The following TENT2 variants were observed in gnomAD, a reference collection of about 807,000 sequenced individuals.
The protein encoded by TENT2 is poly(A) RNA polymerase GLD2.
A neutral mutation model predicts 72.2 loss-of-function variants in TENT2; 44 were observed. The ratio of observed to expected loss-of-function variants is 0.61; its 90% CI spans 0.48 to 0.78. TENT2 has a LOEUF of 0.78. TENT2 is among the 30% of genes least tolerant of loss of function. The pLI is 0.00. For missense variants in TENT2, 541 were observed against 569.6 expected (o/e 0.95, Z 0.51); for synonymous variants, 212 against 192.5 (o/e 1.10, Z -0.84).
intron 9 of TENT2, 160 bp from the exon 10 acceptor site, chr5:79,648,902 C>CT: frequency 2.2e-6 from 2 of 913,678 alleles, no homozygotes; most frequent in Non-Finnish European, 3.3e-6. Context: ...TAAAAGGTAA[C>CT]TAAGGTAAGT....
chr5:79,653,983 G>T (rs533173717), intron 10 of TENT2, among the ~76,000 whole-genome samples: 1 of 152,272 alleles, frequency 6.6e-6, no homozygotes, highest in African/African-American at 2.4e-5. Context: ...GCAGAGAAAG[G>T]AAATAGGTCC....
chr5:79,638,122 A>G (rs569993178), intron 4 of TENT2, among the ~76,000 whole-genome samples: 7 of 152,190 alleles, frequency 4.6e-5, no homozygotes, highest in Admixed American at 4.6e-4. Context: ...CATAGTATTC[A>G]GAAATATACT....
At chr5:79,644,455 A>T (rs1224228489) in intron 7 of TENT2, among the ~76,000 whole-genome samples, 1 of 152,140 alleles carries the variant, frequency 6.6e-6, no homozygotes, top group Non-Finnish European at 1.5e-5. Flanking sequence ...TTCTATGATA[A>T]GTATATATTA....
intron 14 of TENT2, among the ~76,000 whole-genome samples, chr5:79,683,208 CTT>C (rs1823408162): frequency 6.6e-6 from 1 of 151,988 alleles, no homozygotes; most frequent in South Asian, 2.1e-4. Context: ...AATCCAAACA[CTT>C]TGTGAGGCCA....
chr5:79,623,121 C>T (rs1164449840), intron 3 of TENT2, 131 bp from the exon 4 acceptor site: 15 of 615,678 alleles, frequency 2.4e-5, no homozygotes, highest in Non-Finnish European at 3.7e-5. Flanking sequence ...CCATATAAAG[C>T]TAATAAAGTG....
Position 79,685,314 on chromosome 5 carries a change from A to G in TENT2, c.*41A>G. The G allele has an allele frequency of 7.1e-7, 1 of 1,410,664 alleles. No individual in the cohort carries two copies. 87.4% of individuals were successfully genotyped at this position (1,410,664 alleles called of 1,614,324 possible). ...TAATAAATTCTTCCAAGAAATAAAG[A>G]ACAATAGTTTCATCATAATACATTA... On this transcript the variant is annotated 3_prime_UTR_variant, in exon 15 of 15. Coordinates refer to ENST00000453514, the MANE Select transcript of TENT2 (RefSeq NM_001114394.3).
Position 79,619,634 on chromosome 5 carries a change from C to T in TENT2, c.-15C>T, listed in dbSNP as rs200563885. The T allele has an allele frequency of 2.9e-5, 46 of 1,604,820 alleles. No homozygotes were observed. In the African/African-American group the frequency reaches 4.9e-4, roughly 17 times the overall value. ...TAGGTAGAAGAATACATGTTCACTT[C>T]CAGTGAACAAGAGCATGTTCCCAAA... is the stretch of plus-strand genomic sequence containing the variant. On this transcript the variant is annotated 5_prime_UTR_variant, in exon 2 of 15. Transcript: ENST00000453514.
At chr5:79,680,998 T>G (rs1821237863) in intron 13 of TENT2, among the ~76,000 whole-genome samples, 1 of 152,006 alleles carries the variant, frequency 6.6e-6, no homozygotes, top group African/African-American at 2.4e-5. Context: ...AGTGGGATGG[T>G]GGTGTGAACA....
chr5:79,684,689 C>T (rs536365750), intron 14 of TENT2, among the ~76,000 whole-genome samples: 46 of 152,262 alleles, frequency 3.0e-4, no homozygotes, highest in Admixed American at 2.6e-3. Context: ...TGAATTAATC[C>T]GTGAATAAAT....
At chr5:79,627,889 A>C (rs1184447987) in intron 4 of TENT2, among the ~76,000 whole-genome samples, 3 of 152,204 alleles carry the variant, frequency 2.0e-5, no homozygotes, top group Non-Finnish European at 4.4e-5. Flanking sequence ...TTTTTAAGAA[A>C]GCTAACGTTT....
At chr5:79,657,346 TTTAG>T (rs1302524257) in intron 11 of TENT2, among the ~76,000 whole-genome samples, 1 of 152,124 alleles carries the variant, frequency 6.6e-6, no homozygotes, top group Non-Finnish European at 1.5e-5. Flanking sequence ...ACAGCATTTC[TTTAG>T]TTAGTAACTC....
chr5:79,648,392 CTTA>C (rs1790883001), intron 8 of TENT2, among the ~76,000 whole-genome samples: 1 of 151,988 alleles, frequency 6.6e-6, no homozygotes, highest in African/African-American at 2.4e-5. Flanking sequence ...CCACTGGAAT[CTTA>C]TTTTATATTT....
At chr5:79,683,942 A>G (rs998922747) in intron 14 of TENT2, among the ~76,000 whole-genome samples, 2 of 150,858 alleles carry the variant, frequency 1.3e-5, no homozygotes, top group African/African-American at 2.4e-5. Context: ...AAAAAAAAAA[A>G]AAAAAAAAAA....
chr5:79,650,369 C>G (rs192487722), intron 10 of TENT2, among the ~76,000 whole-genome samples: 160 of 151,980 alleles, frequency 1.1e-3, no homozygotes, highest in African/African-American at 3.6e-3. Context: ...TAGCTGTTAC[C>G]TACCAAAACG....
At chr5:79,653,648 C>CT (rs1795818810) in intron 10 of TENT2, among the ~76,000 whole-genome samples, 1 of 152,116 alleles carries the variant, frequency 6.6e-6, no homozygotes, top group Non-Finnish European at 1.5e-5. Context: ...ATTCCTAGGT[C>CT]TTTCTTGAAG....
chr5:79,630,814 C>A (rs1268218381), intron 4 of TENT2, among the ~76,000 whole-genome samples: 3 of 125,982 alleles, frequency 2.4e-5, no homozygotes, highest in African/African-American at 1.1e-4. Context: ...GTAACCTATT[C>A]AGGTTTTTTT....
At chr5:79,684,103 T>C (rs1449570279) in intron 14 of TENT2, among the ~76,000 whole-genome samples, 18 of 152,134 alleles carry the variant, frequency 1.2e-4, no homozygotes, top group Admixed American at 1.1e-3. Flanking sequence ...ACCAATACTT[T>C]TAGACAATCG....
At chr5:79,683,308 C>T (rs1823517262) in intron 14 of TENT2, among the ~76,000 whole-genome samples, 2 of 137,718 alleles carry the variant, frequency 1.5e-5, no homozygotes, top group African/African-American at 6.5e-5. Context: ...CATGCACGCA[C>T]ATGCTCACAC....
At position 79,686,873 on chromosome 5, in the gene TENT2, T is replaced by C. The variant is rs1027226291; in HGVS notation, c.*1600T>C. Among the ~76,000 whole-genome samples, 1 of 152,202 alleles carries C rather than the reference T, an allele frequency of 6.6e-6. No individual in the cohort carries two copies. The highest frequency in any genetic ancestry group is 2.4e-5 in the African/African-American group (1 of 41,448). The stretch of plus-strand genomic sequence containing the variant: ...CTTTTCATATTTTGGGGGGGAATTT[T>C]TCCTAAAATTTACACTGTGCATCTC... On this transcript the variant is annotated 3_prime_UTR_variant, in exon 15 of 15. Coordinates refer to ENST00000453514, the MANE Select transcript of TENT2 (RefSeq NM_001114394.3).
Sources: allele counts gnomAD v4.1 joint callset (sites outside exome capture counted in the v4.1 genomes callset), GRCh38; gene constraint gnomAD v4.1.1; transcripts MANE v1.5; gene names NCBI Gene and HGNC (gene_info 2026-07-23, HGNC 2026-07-21).